Variants in CFAP20DC observed in about 807,000 individuals in gnomAD.
CFAP20DC encodes the protein CFAP20 domain containing, also known as protein CFAP20DC.
In CFAP20DC, 84 loss-of-function variants were observed where a neutral mutation model predicts 101.7. That is an observed-to-expected ratio of 0.83 (90% CI 0.69 to 0.99). The LOEUF (loss-of-function observed/expected upper bound fraction) is 0.99, where lower values mean the gene tolerates loss of function less well. CFAP20DC is among the 50% of genes least tolerant of loss of function. CFAP20DC has a pLI of 0.00. For missense variants in CFAP20DC, 1,007 were observed against 970.3 expected, an observed-to-expected ratio of 1.04 and a Z score of -0.50; for synonymous variants, 359 against 351.2, an observed-to-expected ratio of 1.02 and a Z score of -0.25.
chr3:58,771,337 T>G (rs182629150), intron 15 of CFAP20DC, among the ~76,000 whole-genome samples: 2 of 152,034 alleles, frequency 1.3e-5, no homozygotes, highest in African/African-American at 4.8e-5. Context: ...CACCATGGCA[T>G]GTGTATACCT....
intron 4 of CFAP20DC, among the ~76,000 whole-genome samples, chr3:58,974,434 G>A (rs2092150420): frequency 1.3e-5 from 2 of 152,000 alleles, no homozygotes; most frequent in African/African-American, 4.8e-5. Context: ...CAAAGGACAT[G>A]GTTTTGTTCT....
At chr3:58,840,257 C>T (rs946995977) in intron 13 of CFAP20DC, among the ~76,000 whole-genome samples, 3 of 152,016 alleles carry the variant, frequency 2.0e-5, no homozygotes, top group Non-Finnish European at 4.4e-5. Flanking sequence ...CATCAAATAT[C>T]AGACTGTTTT....
rs2082324252 is a variant in CFAP20DC at position 58,892,390 on chromosome 3, T to C, written c.551-7681A>G. ...GTGAAGAACATCAATGGCAGTTTAA[T>C]GGGAATAGCACTGAATCTATAAATT... On this transcript the variant is annotated intron_variant, in intron 6 of 16. Coordinates refer to ENST00000482387, the MANE Select transcript of CFAP20DC (RefSeq NM_001394063.1). This position sits in a 1 kb window ranked among gnomAD's most constrained non-coding sequence, Gnocchi z 4.0. Among the ~76,000 whole-genome samples the C allele has an allele frequency of 1.3e-5, 2 of 152,232 alleles. No individual in the cohort carries two copies. The highest frequency in any genetic ancestry group is 2.9e-5 in the Non-Finnish European group (2 of 68,032).
chr3:58,784,412 A>G (rs1182105322), intron 15 of CFAP20DC, among the ~76,000 whole-genome samples: 3 of 152,012 alleles, frequency 2.0e-5, no homozygotes, highest in Non-Finnish European at 4.4e-5. Flanking sequence ...AAAACTATTG[A>G]GTTCTATGCT....
At chr3:58,989,085 A>G (rs1428708570) in intron 4 of CFAP20DC, among the ~76,000 whole-genome samples, 3 of 152,144 alleles carry the variant, frequency 2.0e-5, no homozygotes, top group Non-Finnish European at 4.4e-5. Flanking sequence ...ATCATGAGTA[A>G]AAGTCAATAT....
intron 4 of CFAP20DC, among the ~76,000 whole-genome samples, chr3:59,038,790 T>C (rs1375880073): frequency 6.6e-6 from 1 of 152,076 alleles, no homozygotes; most frequent in Non-Finnish European, 1.5e-5. Context: ...ATCTTTTACT[T>C]AGTAAAAGCA....
chr3:58,861,019 T>C lies in CFAP20DC; in HGVS notation c.1593+2539A>G, dbSNP rs555156318. On this transcript the variant is annotated intron_variant, in intron 12 of 16. Transcript: ENST00000482387. The surrounding 1 kb of genome is among the most constrained non-coding windows in gnomAD (Gnocchi z 4.0). ...GGTAAGGTTATATGCAAAAAATTCA[T>C]ACTTTTGAGGCTCCAACACTAAGAT... Among the ~76,000 whole-genome samples the C allele has an allele frequency of 5.2e-4, 79 of 152,282 alleles. 1 individual carries two copies. Among genetic ancestry groups the C allele is most frequent in the African/African-American group, 1.9e-3 (77 of 41,568 alleles).
rs755231177 is a variant in CFAP20DC at position 58,870,201 on chromosome 3, C to A, written c.824G>T (p.Arg275Ile). Residue 275 changes from arginine to isoleucine, a missense_variant, in exon 8 of 17, where the codon AGA (arginine) becomes ATA (isoleucine). Transcript: ENST00000482387. ...GCTGGATATCTTCATGTTATTCCTT[C>A]TGCCAGAGAGTGGAGGTGGCCCAAG... ...KVLGPPPLSGRRNNMKISSET... is the reference protein window; with the variant it reads ...KVLGPPPLSGIRNNMKISSET... 2 of 1,613,662 alleles carry A rather than the reference C, an allele frequency of 1.2e-6. No individual in the cohort carries two copies. Among genetic ancestry groups the A allele is most frequent in the Non-Finnish European group, 1.7e-6 (2 of 1,179,798 alleles).
At chr3:58,895,418 G>A (rs1422660222) in intron 6 of CFAP20DC, among the ~76,000 whole-genome samples, 3 of 152,114 alleles carry the variant, frequency 2.0e-5, no homozygotes, top group Non-Finnish European at 2.9e-5. Context: ...TCTAGGATAT[G>A]GGCAAAATGC....
intron 1 of CFAP20DC, among the ~76,000 whole-genome samples, chr3:59,048,871 A>G (rs954655322): frequency 5.3e-5 from 8 of 152,208 alleles, no homozygotes; most frequent in Non-Finnish European, 7.3e-5. Context: ...GGAGGTGTCC[A>G]GTGAGGTGAG....
intron 5 of CFAP20DC, among the ~76,000 whole-genome samples, chr3:58,934,842 A>G (rs1434308051): frequency 6.6e-6 from 1 of 152,212 alleles, no homozygotes; most frequent in Non-Finnish European, 1.5e-5. Context: ...AACTGGAAGC[A>G]TTCCCTTTGA....
intron 4 of CFAP20DC, among the ~76,000 whole-genome samples, chr3:58,993,932 C>A (rs906341376): frequency 2.0e-5 from 3 of 152,100 alleles, no homozygotes; most frequent in African/African-American, 7.2e-5. Context: ...ATTTATATTC[C>A]TTTGGGTATA....
chr3:58,964,003 G>A lies in CFAP20DC; in HGVS notation c.279-26241C>T, dbSNP rs2091352910. ...ATAGACAGGACCTAAGGCCATCTAGGCAAGGGTTAAGTTATGCACTATTAC... is the reference window on the plus strand; with the variant it reads ...ATAGACAGGACCTAAGGCCATCTAGACAAGGGTTAAGTTATGCACTATTAC... On this transcript the variant is annotated intron_variant, in intron 4 of 16. Transcript: ENST00000482387. This position sits in a 1 kb window ranked among gnomAD's most constrained non-coding sequence, Gnocchi z 4.1. Among the ~76,000 whole-genome samples, 1 of 152,166 alleles carries A rather than the reference G, an allele frequency of 6.6e-6. No individual in the cohort carries two copies. Among genetic ancestry groups the A allele is most frequent in the Admixed American group, 6.6e-5 (1 of 15,266 alleles).
intron 4 of CFAP20DC, among the ~76,000 whole-genome samples, chr3:58,961,298 A>G (rs1381121352): frequency 6.6e-6 from 1 of 152,236 alleles, no homozygotes; most frequent in Non-Finnish European, 1.5e-5. Context: ...TCACGCCTGT[A>G]ATCCCAGCAC....
In CFAP20DC at chr3:59,046,210, T is replaced by C. The variant is rs1337039827; in HGVS notation, c.205+19A>G. 1.4e-6 allele frequency: 2 copies of C among 1,474,676 alleles called. No individual in the cohort carries two copies. The highest frequency in any genetic ancestry group is 9.1e-7 in the Non-Finnish European group (1 of 1,094,146). 91.3% of individuals were successfully genotyped at this position (1,474,676 alleles called of 1,614,324 possible). A position where few individuals can be genotyped will look rare whatever the true frequency, so the allele number is the denominator to read the frequency against. The stretch of plus-strand genomic sequence containing the variant: ...TTGAGTACAAAATGTTAAGTTTCAA[T>C]ATTAAAAATATTACTTACGGCTTTG... On this transcript the variant is annotated intron_variant, in intron 3 of 16. Transcript: ENST00000482387.
At chr3:58,891,726 A>G (rs1366902321) in intron 6 of CFAP20DC, among the ~76,000 whole-genome samples, 1 of 152,062 alleles carries the variant, frequency 6.6e-6, no homozygotes, top group Non-Finnish European at 1.5e-5. Context: ...TCAGATGGAT[A>G]GGTTGCAAAA....
chr3:58,910,894 C>T (rs1056293484), intron 6 of CFAP20DC, among the ~76,000 whole-genome samples: 12 of 151,932 alleles, frequency 7.9e-5, no homozygotes, highest in African/African-American at 2.7e-4. Flanking sequence ...ACTTATCAGG[C>T]ATACCAAGAG....
At chr3:58,720,428 C>T (rs532034857) in intron 3 of CFAP20DC, among the ~76,000 whole-genome samples, 10 of 152,298 alleles carry the variant, frequency 6.6e-5, no homozygotes, top group African/African-American at 2.4e-4. Context: ...CATGGTGACT[C>T]TGAGGACCTT....
At chr3:58,951,716 A>T (rs1358037560) in intron 4 of CFAP20DC, among the ~76,000 whole-genome samples, 2 of 151,140 alleles carry the variant, frequency 1.3e-5, no homozygotes, top group Non-Finnish European at 2.9e-5. Flanking sequence ...ATGAGATCAC[A>T]TGGACACAGG....
Sources: allele counts gnomAD v4.1 joint callset (sites outside exome capture counted in the v4.1 genomes callset), GRCh38; gene constraint gnomAD v4.1.1; non-coding constraint Gnocchi (gnomAD v3.1); transcripts MANE v1.5; gene names NCBI Gene and HGNC (gene_info 2026-07-23, HGNC 2026-07-21).